SPATA17: variants seen among roughly 807,000 people sequenced by gnomAD.
SPATA17 encodes the protein spermatogenesis associated 17.
In SPATA17, 53 loss-of-function variants were observed where a neutral mutation model predicts 62.2. The ratio of observed to expected loss-of-function variants is 0.85; its 90% CI spans 0.68 to 1.07. The LOEUF (loss-of-function observed/expected upper bound fraction) is 1.07. Among genes scored for constraint, SPATA17 ranks in the 50% least tolerant of loss-of-function variants. The pLI, the probability that SPATA17 is intolerant of heterozygous loss-of-function variation, is 0.00. For synonymous variants in SPATA17, 146 were observed against 146.8 expected (o/e 0.99, Z 0.04); for missense variants, 466 against 425.5 (o/e 1.10, Z -0.84).
chr1:217,694,274 G>A (rs2102913974), intron 5 of SPATA17, among the ~76,000 whole-genome samples: 1 of 90,276 alleles, frequency 1.1e-5, no homozygotes, highest in East Asian at 2.9e-4. Flanking sequence ...TTTGATCTTT[G>A]TTGGTTTAAA....
intron 5 of SPATA17, among the ~76,000 whole-genome samples, chr1:217,693,139 T>C (rs1671379630): frequency 6.6e-6 from 1 of 150,910 alleles, no homozygotes; most frequent in Non-Finnish European, 1.5e-5. Flanking sequence ...TTTTGGTTGG[T>C]AAACTGTTGA....
intron 9 of SPATA17, among the ~76,000 whole-genome samples, chr1:217,812,616 T>C (rs1330600531): frequency 6.6e-6 from 1 of 152,238 alleles, no homozygotes; most frequent in Non-Finnish European, 1.5e-5. Context: ...ATAAATTCTT[T>C]ATTGTACTGA....
chr1:217,733,606 G>A (rs954361058), intron 5 of SPATA17, among the ~76,000 whole-genome samples: 5 of 152,022 alleles, frequency 3.3e-5, no homozygotes, highest in East Asian at 1.9e-4. Context: ...CGGTTTAAAC[G>A]TCTTTATTTC....
At position 217,867,189 on chromosome 1, in the gene SPATA17, C is replaced by T. The variant is rs1381525645; in HGVS notation, c.*170C>T. 1.3e-5 allele frequency: 2 copies of T among 152,150 alleles called. No individual in the cohort carries two copies. Among genetic ancestry groups the T allele is most frequent in the African/African-American group, 4.8e-5 (2 of 41,426 alleles). 9.4% of individuals were successfully genotyped at this position (152,150 alleles called of 1,614,324 possible). A position where few individuals can be genotyped will look rare whatever the true frequency, so the allele number is the denominator to read the frequency against. On this transcript the variant is annotated 3_prime_UTR_variant, in exon 11 of 11. Coordinates refer to ENST00000366933, the MANE Select transcript of SPATA17 (RefSeq NM_138796.4). ...TATTGTGTGTATGTATTTGAAATCT[C>T]TTAGACATATCTTTTCAAACAAATA... is the stretch of plus-strand genomic sequence containing the variant.
At chr1:217,786,084 T>C (rs1403787951) in intron 8 of SPATA17, among the ~76,000 whole-genome samples, 9 of 152,162 alleles carry the variant, frequency 5.9e-5, no homozygotes, top group African/African-American at 1.2e-4. Flanking sequence ...ATAAAAAGGA[T>C]TATTTATTGA....
At chr1:217,639,650 G>A (rs901614248) in intron 1 of SPATA17, among the ~76,000 whole-genome samples, 4 of 152,132 alleles carry the variant, frequency 2.6e-5, no homozygotes, top group Admixed American at 6.5e-5. Flanking sequence ...GGAAGAATGC[G>A]ATTGGTACTT....
At chr1:217,789,483 G>A (rs1040669681) in intron 8 of SPATA17, among the ~76,000 whole-genome samples, 11 of 152,238 alleles carry the variant, frequency 7.2e-5, no homozygotes, top group East Asian at 1.9e-4. Context: ...ATTGCAGGGC[G>A]CCAAGCAAAA....
chr1:217,817,798 G>A (rs947690877), intron 9 of SPATA17, among the ~76,000 whole-genome samples: 7 of 152,126 alleles, frequency 4.6e-5, no homozygotes, highest in East Asian at 3.9e-4. Flanking sequence ...CTTGCCGTAC[G>A]TCTATAGGTT....
chr1:217,723,511 A>T (rs1014903907), intron 5 of SPATA17, among the ~76,000 whole-genome samples: 3 of 152,148 alleles, frequency 2.0e-5, no homozygotes, highest in Admixed American at 6.6e-5. Context: ...CCTCCGCTGA[A>T]TTTATCCCAT....
At chr1:217,837,463 G>A (rs550490025) in intron 9 of SPATA17, among the ~76,000 whole-genome samples, 1 of 152,160 alleles carries the variant, frequency 6.6e-6, no homozygotes, top group Admixed American at 6.6e-5. Flanking sequence ...GTTAACAGCT[G>A]TTTACTAACA....
chr1:217,688,262 T>C (rs1671268497), intron 5 of SPATA17, among the ~76,000 whole-genome samples: 1 of 148,556 alleles, frequency 6.7e-6, no homozygotes, highest in South Asian at 2.1e-4. Flanking sequence ...AACAAAAATA[T>C]TTTTTAAAAA....
At chr1:217,665,427 AG>A (rs1670675318) in intron 3 of SPATA17, 1 of 152,236 alleles carries the variant, frequency 6.6e-6, no homozygotes. Context: ...TTAATCTAGA[AG>A]AACTGTTCCA....
chr1:217,766,042 T>G (rs1393464930), intron 6 of SPATA17, among the ~76,000 whole-genome samples: 5 of 152,028 alleles, frequency 3.3e-5, no homozygotes, highest in Non-Finnish European at 7.4e-5. Context: ...TTAATCTATA[T>G]GCATCTTTAT....
At chr1:217,774,297 T>G (rs1673532305) in intron 6 of SPATA17, 37 bp from the exon 7 acceptor site, 1 of 1,550,834 alleles carries the variant, frequency 6.4e-7, no homozygotes, top group Admixed American at 1.8e-5. Flanking sequence ...CATCTGAAAA[T>G]TAAAGAAAAA....
rs996227106 is a variant in SPATA17, at chr1:217,801,004, T to C, written c.873-714T>C. Among the ~76,000 whole-genome samples the C allele has an allele frequency of 3.3e-5, 5 of 152,208 alleles. No homozygotes were observed. The South Asian group carries it at 6.2e-4, about 19-fold the overall frequency. ...ATAAAAATATCTAAAGTAATAATGA[T>C]GATGGTAATGATAATGGTTGCTGCA... On this transcript the variant is annotated intron_variant, in intron 8 of 10. Coordinates refer to ENST00000366933, the MANE Select transcript of SPATA17 (RefSeq NM_138796.4).
At chr1:217,698,093 C>G (rs950651003) in intron 5 of SPATA17, among the ~76,000 whole-genome samples, 7 of 151,946 alleles carry the variant, frequency 4.6e-5, no homozygotes, top group African/African-American at 1.7e-4. Context: ...GTCAGGATTT[C>G]AAGACCAGCC....
At chr1:217,651,230 A>C (rs559563133) in intron 3 of SPATA17, 52 bp downstream of exon 3, 2 of 1,364,592 alleles carry the variant, frequency 1.5e-6, no homozygotes, top group Non-Finnish European at 1.0e-6. Context: ...ATATGCTGTA[A>C]CTTACTCACT....
chr1:217,799,681 CAG>C (rs1404980861), intron 8 of SPATA17, among the ~76,000 whole-genome samples: 10 of 151,646 alleles, frequency 6.6e-5, no homozygotes, highest in Non-Finnish European at 1.3e-4. Flanking sequence ...AAAGAAATTG[CAG>C]AGAGGTATTA....
intron 9 of SPATA17, among the ~76,000 whole-genome samples, chr1:217,837,530 A>G (rs1388919937): frequency 1.3e-5 from 2 of 152,096 alleles, no homozygotes; most frequent in East Asian, 3.9e-4. Context: ...ATACTGTTGC[A>G]TGTTGGATGA....
Sources: allele counts gnomAD v4.1 joint callset (sites outside exome capture counted in the v4.1 genomes callset), GRCh38; gene constraint gnomAD v4.1.1; transcripts MANE v1.5; gene names NCBI Gene and HGNC (gene_info 2026-07-23, HGNC 2026-07-21).